TMEM178A: variants seen among roughly 807,000 people sequenced by gnomAD.
TMEM178A encodes transmembrane protein 178A.
Under a neutral mutation model 29.1 loss-of-function variants are expected in TMEM178A, and 12 were observed. That is an observed-to-expected ratio of 0.41 (90% CI 0.26 to 0.67). The LOEUF (loss-of-function observed/expected upper bound fraction) is 0.67. Among genes scored for constraint, TMEM178A ranks in the 30% least tolerant of loss-of-function variants. The probability of loss-of-function intolerance (pLI) is 0.29; values close to 1 mark genes in which losing one functional copy is unlikely to be tolerated. For synonymous variants in TMEM178A, 210 were observed against 187.2 expected, an observed-to-expected ratio of 1.12 and a Z score of -0.99; for missense variants, 366 against 419.1, an observed-to-expected ratio of 0.87 and a Z score of 1.11.
chr2:39,674,849 C>A (rs1472563253), intron 1 of TMEM178A, among the ~76,000 whole-genome samples: 1 of 151,854 alleles, frequency 6.6e-6, no homozygotes, highest in East Asian at 1.9e-4. Context: ...TCTCAAGTTA[C>A]CTTTTCTTTC....
downstream of TMEM178A, among the ~76,000 whole-genome samples, chr2:39,722,328 A>G (rs142967482): frequency 6.6e-6 from 1 of 152,258 alleles, no homozygotes; most frequent in Non-Finnish European, 1.5e-5. Context: ...AATTTGGGGA[A>G]AAGGGGAAAA....
intron 3 of TMEM178A, among the ~76,000 whole-genome samples, chr2:39,713,645 C>A (rs1572697985): frequency 6.6e-6 from 1 of 152,296 alleles, no homozygotes; most frequent in East Asian, 1.9e-4. Flanking sequence ...CCCGCTGACA[C>A]CTTGATCTTA....
intron 2 of TMEM178A, among the ~76,000 whole-genome samples, chr2:39,706,598 C>G (rs577015097): frequency 9.9e-5 from 15 of 151,880 alleles, no homozygotes; most frequent in African/African-American, 3.1e-4. Context: ...TAAGTACAGC[C>G]ACTACCAGGG....
intron 1 of TMEM178A, among the ~76,000 whole-genome samples, chr2:39,678,317 A>G (rs368247696): frequency 6.6e-5 from 10 of 152,376 alleles, no homozygotes; most frequent in African/African-American, 1.9e-4. Context: ...TAGCCAAAAT[A>G]TGGAAACAAT....
chr2:39,691,923 T>C (rs1033419287), intron 1 of TMEM178A, among the ~76,000 whole-genome samples: 1 of 151,800 alleles, frequency 6.6e-6, no homozygotes, highest in African/African-American at 2.4e-5. Context: ...GGTTGCTTCT[T>C]GGCTAAAGAA....
chr2:39,676,638 C>G (rs998411207), intron 1 of TMEM178A, among the ~76,000 whole-genome samples: 3 of 152,118 alleles, frequency 2.0e-5, no homozygotes, highest in Admixed American at 1.3e-4. Flanking sequence ...GAGAAAGGGC[C>G]CAGGCTCCCC....
chr2:39,720,228 T>A (rs1431974752), downstream of TMEM178A, among the ~76,000 whole-genome samples: 1 of 152,062 alleles, frequency 6.6e-6, no homozygotes, highest in Non-Finnish European at 1.5e-5. Flanking sequence ...AAGGGCCGGG[T>A]GGGGGGTGCC....
the TMEM178A span, among the ~76,000 whole-genome samples, chr2:39,734,499 C>T: frequency 6.6e-6 from 1 of 152,316 alleles, no homozygotes; most frequent in East Asian, 1.9e-4. Context: ...AGTTTCATGC[C>T]ACCTAAATAC....
intron 1 of TMEM178A, among the ~76,000 whole-genome samples, chr2:39,672,220 G>A (rs1670434602): frequency 6.6e-6 from 1 of 152,094 alleles, no homozygotes; most frequent in African/African-American, 2.4e-5. Flanking sequence ...CTTACTATCT[G>A]CACACAGGAA....
chr2:39,735,444 C>A, the TMEM178A span, among the ~76,000 whole-genome samples: 845 of 152,244 alleles, frequency 5.6e-3, 8 homozygotes, highest in African/African-American at 0.019. Context: ...GGCTCGTATT[C>A]CTCAGGTTTT....
chr2:39,677,499 A>C (rs2540251), intron 1 of TMEM178A, among the ~76,000 whole-genome samples: 81,890 of 152,070 alleles, frequency 0.54, 23,667 homozygotes, highest in East Asian at 0.87. Context: ...TAGAAATTAA[A>C]CAATTCTAAT....
intron 1 of TMEM178A, among the ~76,000 whole-genome samples, chr2:39,686,190 C>T (rs1348478167): frequency 6.6e-6 from 1 of 152,162 alleles, no homozygotes; most frequent in East Asian, 1.9e-4. Context: ...TACTTCTGAG[C>T]CCTGCAGGGA....
chr2:39,669,327 C>T (rs1670312318), intron 1 of TMEM178A, among the ~76,000 whole-genome samples: 1 of 152,146 alleles, frequency 6.6e-6, no homozygotes, highest in Admixed American at 6.5e-5. Flanking sequence ...GAATTATTTA[C>T]ATTTCCTATT....
intron 3 of TMEM178A, among the ~76,000 whole-genome samples, chr2:39,708,742 A>T (rs1286306841): frequency 6.6e-6 from 1 of 152,072 alleles, no homozygotes; most frequent in African/African-American, 2.4e-5. Context: ...GATTGGAAAG[A>T]TGGGGGTGTG....
chr2:39,685,993 A>G (rs1671061177), intron 1 of TMEM178A, among the ~76,000 whole-genome samples: 1 of 152,206 alleles, frequency 6.6e-6, no homozygotes, highest in South Asian at 2.1e-4. Flanking sequence ...ATCCAGAAGC[A>G]GGGAGCGCTG....
rs370900847 is a variant in TMEM178A, at chr2:39,717,032, C to A, written c.675C>A (p.Leu225=). 3.7e-6 allele frequency: 6 copies of A among 1,611,396 alleles called. No individual in the cohort carries two copies. In the Admixed American group the frequency reaches 1.0e-4, roughly 27 times the overall value. ...TAGGGATATTTTGCACCATTTCCCTCTGTACTTATGCCGCCAGTATCTCGT... is the reference window on the plus strand; with the variant it reads ...TAGGGATATTTTGCACCATTTCCCTATGTACTTATGCCGCCAGTATCTCGT... ...LMTGIFCTIS[L]CTYAASISYD... The change falls in exon 4 of 4, where the codon CTC becomes CTA. Residue 225 remains leucine (L), a synonymous_variant. Transcript: ENST00000281961.
chr2:39,703,411 T>C (rs1350814537), intron 1 of TMEM178A, among the ~76,000 whole-genome samples: 1 of 152,192 alleles, frequency 6.6e-6, no homozygotes, highest in Non-Finnish European at 1.5e-5. Flanking sequence ...TGAATCAATG[T>C]GTACACCTGC....
intron 2 of TMEM178A, among the ~76,000 whole-genome samples, chr2:39,706,624 C>CTT (rs11389670): frequency 2.0e-5 from 3 of 151,906 alleles, no homozygotes; most frequent in Admixed American, 6.6e-5. Flanking sequence ...ACCTACATTT[C>CTT]TTTTTTTTCC....
intron 1 of TMEM178A, among the ~76,000 whole-genome samples, chr2:39,703,253 T>A (rs899207236): frequency 6.6e-6 from 1 of 152,198 alleles, no homozygotes; most frequent in Non-Finnish European, 1.5e-5. Context: ...GAGAACATTT[T>A]ATAAGTTTTT....
Sources: allele counts gnomAD v4.1 joint callset (sites outside exome capture counted in the v4.1 genomes callset), GRCh38; gene constraint gnomAD v4.1.1; transcripts MANE v1.5; gene names NCBI Gene and HGNC (gene_info 2026-07-23, HGNC 2026-07-21).